CSMD1: variants seen among roughly 807,000 people sequenced by gnomAD.
CSMD1 encodes the protein CUB and sushi domain-containing protein 1.
CSMD1 carries 213 observed loss-of-function variants against 417.5 expected under a neutral mutation model. That is an observed-to-expected ratio of 0.51 (90% confidence interval 0.46 to 0.57). The LOEUF (loss-of-function observed/expected upper bound fraction) is 0.57, where lower values mean the gene tolerates loss of function less well. Among genes scored for constraint, CSMD1 ranks in the 20% least tolerant of loss-of-function variants. CSMD1 has a pLI of 0.00. For missense variants in CSMD1, 6,923 were observed against 4,529.7 expected (o/e 1.53, Z -15.17); for synonymous variants, 2,862 against 1,736.8 (o/e 1.65, Z -16.11).
chr8:4,968,527 T>A (rs1810026481), intron 1 of CSMD1, among the ~76,000 whole-genome samples: 1 of 152,124 alleles, frequency 6.6e-6, no homozygotes, highest in East Asian at 1.9e-4. Context: ...CCACCTGCAC[T>A]ACTAAAAACC....
chr8:3,926,108 C>CCATACACACACACACACAAACACCAT lies in CSMD1; in HGVS notation c.818+71794_818+71795insATGGTGTTTGTGTGTGTGTGTGTATG, dbSNP rs11373813. On this transcript the variant is annotated intron_variant, in intron 5 of 69. Transcript: ENST00000635120. The stretch of plus-strand genomic sequence containing the variant: ...ACACACACACACACACACACACACA[C>CCATACACACACACACACAAACACCAT]ACACACACACACACACACACACACT... Among the ~76,000 whole-genome samples the CCATACACACACACACACAAACACCAT allele has an allele frequency of 2.0e-4, 16 of 79,230 alleles. 1 individual carries two copies. In the East Asian group the frequency reaches 3.7e-3, roughly 18 times the overall value. 52.0% of individuals were successfully genotyped at this position (79,230 alleles called of 152,430 possible).
intron 1 of CSMD1, among the ~76,000 whole-genome samples, chr8:4,666,539 T>C (rs896525632): frequency 6.6e-6 from 1 of 152,214 alleles, no homozygotes; most frequent in Non-Finnish European, 1.5e-5. Context: ...AATACTTTGA[T>C]TTTTGACCAA....
intron 49 of CSMD1, 28 bp downstream of exon 49, chr8:3,087,069 A>C: frequency 6.3e-7 from 1 of 1,591,112 alleles, no homozygotes; most frequent in Non-Finnish European, 8.6e-7. Context: ...ACAGGAAACA[A>C]GGCTGGGGAT....
chr8:4,511,940 A>G (rs1399742168), intron 2 of CSMD1, among the ~76,000 whole-genome samples: 1 of 152,146 alleles, frequency 6.6e-6, no homozygotes, highest in Non-Finnish European at 1.5e-5. Flanking sequence ...TCCTAACAAG[A>G]TAGGCCCACA....
At chr8:3,659,310 G>T (rs181534870) in intron 7 of CSMD1, among the ~76,000 whole-genome samples, 2 of 152,250 alleles carry the variant, frequency 1.3e-5, no homozygotes, top group African/African-American at 4.8e-5. Flanking sequence ...AAATTGTGTA[G>T]TTATTGTTAC....
Position 3,688,529 on chromosome 8 carries a change from G to A in CSMD1, c.1009+19885C>T, listed in dbSNP as rs571212593. 7.2e-4 allele frequency among the ~76,000 whole-genome samples: 110 copies of A among 152,262 alleles called. 1 individual carries two copies. Among genetic ancestry groups the A allele is most frequent in the Admixed American group, 2.7e-3 (42 of 15,292 alleles). ...AATGAAAAGTTACTCTTTATCACAT[G>A]TGCAAAACTTAACTACAATGCATGT... On this transcript the variant is annotated intron_variant, in intron 7 of 69. Transcript: ENST00000635120.
chr8:4,585,411 T>G (rs998642837), intron 2 of CSMD1, among the ~76,000 whole-genome samples: 1 of 151,968 alleles, frequency 6.6e-6, no homozygotes, highest in Non-Finnish European at 1.5e-5. Flanking sequence ...TAATAGTAAA[T>G]GAAGAATGAC....
At chr8:4,293,079 TG>T (rs1181394536) in intron 3 of CSMD1, among the ~76,000 whole-genome samples, 1 of 152,122 alleles carries the variant, frequency 6.6e-6, no homozygotes, top group East Asian at 1.9e-4. Context: ...AGTAGAACCA[TG>T]CACTGCACAT....
chr8:4,383,373 A>G (rs1040832545), intron 3 of CSMD1, among the ~76,000 whole-genome samples: 1 of 152,108 alleles, frequency 6.6e-6, no homozygotes, highest in African/African-American at 2.4e-5. Context: ...GCTTATGGAA[A>G]TGTTTACTTG....
chr8:3,084,268 A>T (rs1008405280), intron 49 of CSMD1, among the ~76,000 whole-genome samples: 1 of 152,132 alleles, frequency 6.6e-6, no homozygotes, highest in Non-Finnish European at 1.5e-5. Flanking sequence ...TCATGCCTGT[A>T]ATCCCAGCAC....
intron 1 of CSMD1, among the ~76,000 whole-genome samples, chr8:4,693,631 C>G (rs1209590375): frequency 6.6e-6 from 1 of 152,082 alleles, no homozygotes. Flanking sequence ...TCCATTTTTT[C>G]AAATGGGTGA....
At chr8:3,120,420 A>C (rs74566400) in intron 41 of CSMD1, among the ~76,000 whole-genome samples, 126 of 152,360 alleles carry the variant, frequency 8.3e-4, no homozygotes, top group Non-Finnish European at 1.6e-3. Flanking sequence ...AGATTAATGT[A>C]AGTGCTGTTT....
rs146092574 is a variant in CSMD1 at position 3,098,027 on chromosome 8, T to C, written c.6950-990A>G. ...TCAACATAAAAACAATCTGCAGAGA[T>C]CTGGACATGCAAAGCAAAACACTAG... On this transcript the variant is annotated intron_variant, in intron 46 of 69. Coordinates refer to ENST00000635120, the MANE Select transcript of CSMD1 (RefSeq NM_033225.6). Among the ~76,000 whole-genome samples the C allele has an allele frequency of 1.8e-3, 267 of 152,314 alleles. 2 individuals are homozygous for C. The highest frequency in any genetic ancestry group is 6.0e-3 in the African/African-American group (251 of 41,560).
chr8:4,717,084 C>T (rs1393811131), intron 1 of CSMD1, among the ~76,000 whole-genome samples: 1 of 151,756 alleles, frequency 6.6e-6, no homozygotes, highest in Non-Finnish European at 1.5e-5. Context: ...ACCTTCTTCC[C>T]TCTCTGCCCC....
At chr8:3,937,711 T>C (rs983510496) in intron 5 of CSMD1, among the ~76,000 whole-genome samples, 13 of 152,284 alleles carry the variant, frequency 8.5e-5, no homozygotes, top group African/African-American at 3.1e-4. Flanking sequence ...TATCAGACAT[T>C]ATAGTTTCCA....
intron 5 of CSMD1, among the ~76,000 whole-genome samples, chr8:3,848,568 TG>T (rs1803669976): frequency 1.3e-5 from 2 of 152,232 alleles, no homozygotes; most frequent in South Asian, 4.1e-4. Flanking sequence ...ACCTTTGTGC[TG>T]CTCCTTGTAA....
At position 4,221,988 on chromosome 8, in the gene CSMD1, CA is replaced by C. The variant is rs140532616; in HGVS notation, c.416-189890del. On this transcript the variant is annotated intron_variant, in intron 3 of 69. Coordinates refer to ENST00000635120, the MANE Select transcript of CSMD1 (RefSeq NM_033225.6). ...TCTGCAATGGAGGAAGCTGTCCACC[CA>C]ACGGTCTGTCCCTACACCACATAAA... Among the ~76,000 whole-genome samples, 60 of 152,022 alleles carry C rather than the reference CA, an allele frequency of 3.9e-4. No individual in the cohort carries two copies. The East Asian group carries it at 0.011, about 28-fold the overall frequency.
intron 1 of CSMD1, among the ~76,000 whole-genome samples, chr8:4,963,019 T>A (rs1050603248): frequency 6.6e-6 from 1 of 152,226 alleles, no homozygotes; most frequent in East Asian, 1.9e-4. Context: ...CCAGGTGCCC[T>A]GTTTATAGCC....
chr8:3,448,329 A>G (rs558946775), intron 12 of CSMD1, among the ~76,000 whole-genome samples: 4 of 876 alleles, frequency 4.6e-3, no homozygotes, highest in Admixed American at 0.034. Context: ...GGAAGGGAGC[A>G]AGGGAGGGAG....
Sources: gnomAD v4.1 joint callset for allele counts (sites outside exome capture counted in the v4.1 genomes callset) on GRCh38, gnomAD v4.1.1 for gene constraint, MANE v1.5 for transcripts, NCBI Gene and HGNC (gene_info 2026-07-23, HGNC 2026-07-21) for gene names.